The following PPP1R12B variants were observed in gnomAD, a reference collection of about 807,000 sequenced individuals.
PPP1R12B encodes protein phosphatase 1 regulatory subunit 12B.
A neutral mutation model predicts 126.1 loss-of-function variants in PPP1R12B; 76 were observed. The observed-to-expected ratio is 0.60, with a 90% CI of 0.50 to 0.73. The LOEUF is 0.73. Ranked by LOEUF, PPP1R12B falls within the 30% of genes least tolerant of loss-of-function variation. PPP1R12B has a pLI of 0.00. For missense variants in PPP1R12B, 1,052 were observed against 1,205.1 expected, an observed-to-expected ratio of 0.87 and a Z score of 1.88; for synonymous variants, 356 against 434.7, an observed-to-expected ratio of 0.82 and a Z score of 2.25.
intron 1 of PPP1R12B, among the ~76,000 whole-genome samples, chr1:202,374,945 C>A (rs1370274208): frequency 1.6e-4 from 24 of 152,058 alleles, no homozygotes; most frequent in Admixed American, 1.6e-3. Context: ...CTATTTTCTT[C>A]TTTTCTTTTT....
rs536555834 is a variant in PPP1R12B at position 202,357,939 on chromosome 1, A to G, written c.291+8797A>G. Among the ~76,000 whole-genome samples the G allele has an allele frequency of 7.2e-5, 11 of 152,328 alleles. No individual in the cohort carries two copies. The South Asian group carries it at 2.3e-3, about 32-fold the overall frequency. On this transcript the variant is annotated intron_variant, in intron 1 of 23. Coordinates refer to ENST00000608999, the MANE Select transcript of PPP1R12B (RefSeq NM_002481.4). The stretch of plus-strand genomic sequence containing the variant: ...TATAACTTATAATAGGAAATTGGCT[A>G]CATAACCGATTTCTGTTCTAGCATT...
chr1:202,541,126 C>A (rs530670170), intron 18 of PPP1R12B, among the ~76,000 whole-genome samples: 1 of 152,112 alleles, frequency 6.6e-6, no homozygotes, highest in South Asian at 2.1e-4. Context: ...AACTAGATTG[C>A]GCTTTGCTGT....
intron 14 of PPP1R12B, among the ~76,000 whole-genome samples, chr1:202,490,503 AG>A (rs1247679885): frequency 2.0e-5 from 3 of 152,164 alleles, no homozygotes; most frequent in African/African-American, 7.2e-5. Flanking sequence ...AAAACTTACC[AG>A]TTTTACCATT....
At chr1:202,403,278 G>A (rs1323415377) in intron 1 of PPP1R12B, among the ~76,000 whole-genome samples, 2 of 152,148 alleles carry the variant, frequency 1.3e-5, no homozygotes, top group South Asian at 2.1e-4. Context: ...TTTTAAAAAG[G>A]AGTTTCAAAT....
intron 1 of PPP1R12B, among the ~76,000 whole-genome samples, chr1:202,353,586 TTGTGTGTGTGTGTGTGTG>T (rs58683662): frequency 3.3e-5 from 4 of 120,784 alleles, no homozygotes; most frequent in Admixed American, 8.9e-5. Flanking sequence ...TTCTTCTTCT[TTGTGTGTGTGTGTGTGTG>T]TGTGTGTGTG....
In PPP1R12B at chr1:202,438,907, G is replaced by A. The variant is rs537343385; in HGVS notation, c.1458+883G>A. 76 of 1,502,864 alleles carry A rather than the reference G, an allele frequency of 5.1e-5. No homozygotes were observed. In the East Asian group the frequency reaches 1.5e-3, roughly 29 times the overall value. 93.1% of individuals were successfully genotyped at this position (1,502,864 alleles called of 1,614,324 possible). On this transcript the variant is annotated intron_variant, in intron 10 of 23. Transcript: ENST00000608999. ...AGGAGCCCATACATCCACCGCACGCGGCCCTGTGCCTGGAGGTGACCCCGA... is the reference window on the plus strand; with the variant it reads ...AGGAGCCCATACATCCACCGCACGCAGCCCTGTGCCTGGAGGTGACCCCGA...
At chr1:202,543,549 G>A (rs1685332043) in intron 18 of PPP1R12B, among the ~76,000 whole-genome samples, 1 of 152,126 alleles carries the variant, frequency 6.6e-6, no homozygotes, top group Non-Finnish European at 1.5e-5. Flanking sequence ...AGACCAGCCT[G>A]GCCAACATTG....
intron 9 of PPP1R12B, among the ~76,000 whole-genome samples, chr1:202,436,292 C>T (rs1311487869): frequency 6.6e-6 from 1 of 151,836 alleles, no homozygotes; most frequent in Non-Finnish European, 1.5e-5. Context: ...ACAACAACAA[C>T]AACACACACA....
intron 13 of PPP1R12B, among the ~76,000 whole-genome samples, chr1:202,475,906 A>G (rs1236386428): frequency 6.6e-6 from 1 of 152,014 alleles, no homozygotes; most frequent in Admixed American, 6.5e-5. Flanking sequence ...TTATGTTAAT[A>G]CACAGGACAT....
At chr1:202,534,220 G>A (rs375220082) in intron 18 of PPP1R12B, among the ~76,000 whole-genome samples, 1 of 152,080 alleles carries the variant, frequency 6.6e-6, no homozygotes, top group Non-Finnish European at 1.5e-5. Context: ...GTGTCCTTGT[G>A]TCATATCATT....
intron 1 of PPP1R12B, among the ~76,000 whole-genome samples, chr1:202,409,337 T>G (rs1040150001): frequency 6.6e-6 from 1 of 152,000 alleles, no homozygotes; most frequent in African/African-American, 2.4e-5. Flanking sequence ...TTTTTTTTTT[T>G]TTTGAGATGG....
chr1:202,488,540 C>G lies in PPP1R12B; in HGVS notation c.1858C>G (p.Leu620Val). The change falls in exon 14 of 24, where the codon CTG (leucine) becomes GTG (valine). Residue 620 changes from leucine to valine, a missense_variant. Transcript: ENST00000608999. ...VEAREKRRSY[L>V]TPVRDEEAES... ...ACTTTTTTTTCTCTGCAGGTCCTAT[C>G]TGACTCCTGTACGGGATGAGGAAGC... 1.2e-6 allele frequency: 2 copies of G among 1,609,352 alleles called. No homozygotes were observed. The highest frequency in any genetic ancestry group is 1.7e-6 in the Non-Finnish European group (2 of 1,176,774).
chr1:202,512,707 C>G (rs868205917), intron 18 of PPP1R12B, among the ~76,000 whole-genome samples: 7 of 152,068 alleles, frequency 4.6e-5, no homozygotes, highest in African/African-American at 1.7e-4. Context: ...AGTATTTCAC[C>G]AGTCTCCTCT....
At chr1:202,530,874 T>C (rs769236333) in intron 18 of PPP1R12B, among the ~76,000 whole-genome samples, 1 of 152,358 alleles carries the variant, frequency 6.6e-6, no homozygotes, top group Non-Finnish European at 1.5e-5. Context: ...AGGCCCTTTA[T>C]TACACTGAAA....
At position 202,587,317 on chromosome 1, in the gene PPP1R12B, A is replaced by G. The variant is rs1208421500; in HGVS notation, c.*6757A>G. ...AGAGGTGGTTTTCCATGAATCAGCCAAGATTCCTGTAGAAGTTGGGTATAC... is the reference window on the plus strand; with the variant it reads ...AGAGGTGGTTTTCCATGAATCAGCCGAGATTCCTGTAGAAGTTGGGTATAC... On this transcript the variant is annotated 3_prime_UTR_variant, in exon 24 of 24. Coordinates refer to ENST00000608999, the MANE Select transcript of PPP1R12B (RefSeq NM_002481.4). 6.6e-6 allele frequency: 1 copy of G among 152,202 alleles called. No homozygotes were observed. The highest frequency in any genetic ancestry group is 2.4e-5 in the African/African-American group (1 of 41,432). The allele number at this position is 152,202 out of a possible 1,614,324, so 9.4% of individuals were successfully genotyped here.
intron 19 of PPP1R12B, among the ~76,000 whole-genome samples, chr1:202,560,750 A>G (rs1424392858): frequency 1.3e-5 from 2 of 152,224 alleles, no homozygotes; most frequent in Non-Finnish European, 2.9e-5. Context: ...CCCCTATTCA[A>G]GATGGAGTTG....
chr1:202,478,575 G>A (rs1319053676), intron 13 of PPP1R12B, among the ~76,000 whole-genome samples: 1 of 151,946 alleles, frequency 6.6e-6, no homozygotes, highest in East Asian at 1.9e-4. Flanking sequence ...AATAATATGT[G>A]TGATATTCAT....
At chr1:202,483,885 T>C (rs1356603669) in intron 13 of PPP1R12B, among the ~76,000 whole-genome samples, 1 of 152,236 alleles carries the variant, frequency 6.6e-6, no homozygotes, top group Admixed American at 6.5e-5. Flanking sequence ...CTTTGTCTTC[T>C]TTTACAGTTT....
chr1:202,378,834 C>A (rs1263215763), intron 1 of PPP1R12B, among the ~76,000 whole-genome samples: 3 of 152,160 alleles, frequency 2.0e-5, no homozygotes, highest in Non-Finnish European at 4.4e-5. Context: ...TACTTGATCT[C>A]CATATGAATT....
Sources: gnomAD v4.1 joint callset for allele counts (sites outside exome capture counted in the v4.1 genomes callset) on GRCh38, gnomAD v4.1.1 for gene constraint, MANE v1.5 for transcripts, NCBI Gene and HGNC (gene_info 2026-07-23, HGNC 2026-07-21) for gene names.